The following SORL1 variants were observed in gnomAD, a reference collection of about 807,000 sequenced individuals.
The protein encoded by SORL1 is sortilin-related receptor.
A neutral mutation model predicts 273.7 loss-of-function variants in SORL1; 127 were observed. The observed-to-expected ratio is 0.46, with a 90% CI of 0.40 to 0.54. SORL1 has a LOEUF of 0.54. Among genes scored for constraint, SORL1 ranks in the 20% least tolerant of loss-of-function variants. The probability of loss-of-function intolerance (pLI) is 0.00; values close to 1 mark genes in which losing one functional copy is unlikely to be tolerated. For missense variants in SORL1, 2,494 were observed against 2,846.1 expected (o/e 0.88, Z 2.81); for synonymous variants, 1,031 against 1,067.4 (o/e 0.97, Z 0.66).
chr11:121,495,287 T>C lies in SORL1; in HGVS notation c.759-1582T>C, dbSNP rs546704994. ...TTTTTGTAGAGGTGGAGTCTCACTA[T>C]GTTGCCCAGGCTGGTCTTGAACTCT... On this transcript the variant is annotated intron_variant, in intron 5 of 47. Transcript: ENST00000260197. 1.7e-3 allele frequency among the ~76,000 whole-genome samples: 254 copies of C among 152,286 alleles called. 5 individuals are homozygous for C. The highest frequency in any genetic ancestry group is 3.2e-4 in the Non-Finnish European group (22 of 68,016).
intron 6 of SORL1, among the ~76,000 whole-genome samples, chr11:121,503,169 C>T (rs1042586288): frequency 2.0e-5 from 3 of 152,074 alleles, no homozygotes; most frequent in East Asian, 1.9e-4. Flanking sequence ...CATGCCCAGC[C>T]GTGTTTTTAA....
chr11:121,529,665 T>C (rs569602437), intron 11 of SORL1, among the ~76,000 whole-genome samples: 166 of 152,266 alleles, frequency 1.1e-3, no homozygotes, highest in Admixed American at 2.2e-3. Context: ...TCCTGCCAAA[T>C]AGTTGGACTT....
At position 121,513,595 on chromosome 11, in the gene SORL1, G is replaced by C. The variant is rs747245923; in HGVS notation, c.1041+491G>C. ...TATAACATGAAGATGGATAGGAAAAGTCTGCATGGGATGGGTCATTAGAGG... is the reference window on the plus strand; with the variant it reads ...TATAACATGAAGATGGATAGGAAAACTCTGCATGGGATGGGTCATTAGAGG... On this transcript the variant is annotated intron_variant, in intron 7 of 47. Coordinates refer to ENST00000260197, the MANE Select transcript of SORL1 (RefSeq NM_003105.6). 2.0e-5 allele frequency among the ~76,000 whole-genome samples: 3 copies of C among 152,178 alleles called. No homozygotes were observed. In the South Asian group the frequency reaches 6.2e-4, roughly 32 times the overall value.
intron 40 of SORL1, among the ~76,000 whole-genome samples, chr11:121,613,736 C>A (rs914576297): frequency 2.0e-5 from 3 of 152,224 alleles, no homozygotes; most frequent in African/African-American, 7.2e-5. Flanking sequence ...AAGTCATACG[C>A]TCAGACGGTG....
In SORL1 at chr11:121,595,907, C is replaced by A; in HGVS notation, c.4519+135C>A. The stretch of plus-strand genomic sequence containing the variant: ...TACTTGCGTAACCATGCTCTTACTG[C>A]ATTCTCCACAAGCGCTTTGCCACGT... On this transcript the variant is annotated intron_variant, in intron 32 of 47. Transcript: ENST00000260197. The surrounding 1 kb of genome is among the most constrained non-coding windows in gnomAD (Gnocchi z 5.1). 1 of 928,722 alleles carries A rather than the reference C, an allele frequency of 1.1e-6. No individual in the cohort carries two copies. The highest frequency in any genetic ancestry group is 1.6e-6 in the Non-Finnish European group (1 of 642,194). 57.5% of individuals were successfully genotyped at this position (928,722 alleles called of 1,614,324 possible).
At position 121,630,300 on chromosome 11, in the gene SORL1, T is replaced by C. The variant is rs2134961368; in HGVS notation, c.*737T>C. 6.6e-6 allele frequency: 1 copy of C among 152,320 alleles called. No individual in the cohort carries two copies. The highest frequency in any genetic ancestry group is 6.5e-5 in the Admixed American group (1 of 15,302). 9.4% of individuals were successfully genotyped at this position (152,320 alleles called of 1,614,324 possible). On this transcript the variant is annotated 3_prime_UTR_variant, in exon 48 of 48. Transcript: ENST00000260197. Reference sequence around the variant, plus strand: ...TGTAAGCCCACAGCTTCCTCTCTTATATTAATTGATGGAATTTTACTGTAT... The same window carrying C: ...TGTAAGCCCACAGCTTCCTCTCTTACATTAATTGATGGAATTTTACTGTAT...
chr11:121,475,991 C>G (rs937154496), intron 2 of SORL1, among the ~76,000 whole-genome samples: 1 of 152,222 alleles, frequency 6.6e-6, no homozygotes, highest in South Asian at 2.1e-4. Context: ...GTGAGACTAA[C>G]TCCGGTTTTT....
At chr11:121,552,770 T>C (rs1862523946) in intron 16 of SORL1, among the ~76,000 whole-genome samples, 1 of 152,222 alleles carries the variant, frequency 6.6e-6, no homozygotes, top group African/African-American at 2.4e-5. Context: ...GAGTGGTACA[T>C]GTTAAGTCAC....
chr11:121,474,714 G>C (rs921786327), intron 2 of SORL1, among the ~76,000 whole-genome samples: 1 of 152,218 alleles, frequency 6.6e-6, no homozygotes, highest in Non-Finnish European at 1.5e-5. Flanking sequence ...GTGAGTCCGG[G>C]GTGTTCTCTC....
At chr11:121,538,836 G>A (rs1039227438) in intron 12 of SORL1, among the ~76,000 whole-genome samples, 10 of 151,930 alleles carry the variant, frequency 6.6e-5, no homozygotes, top group South Asian at 2.1e-4. Flanking sequence ...GCACCACCAC[G>A]CCCAGCTAAT....
At chr11:121,465,931 G>A (rs1861075551) in intron 1 of SORL1, among the ~76,000 whole-genome samples, 1 of 152,146 alleles carries the variant, frequency 6.6e-6, no homozygotes, top group African/African-American at 2.4e-5. Context: ...CTTCAGTGGG[G>A]CATGGGACCC....
At chr11:121,469,040 C>T (rs987924835) in intron 1 of SORL1, among the ~76,000 whole-genome samples, 4 of 152,180 alleles carry the variant, frequency 2.6e-5, no homozygotes, top group Non-Finnish European at 4.4e-5. Context: ...GTTGAGGCTC[C>T]GGGTTATGAG....
At chr11:121,564,834 A>G (rs745418052) in intron 21 of SORL1, among the ~76,000 whole-genome samples, 1 of 152,134 alleles carries the variant, frequency 6.6e-6, no homozygotes, top group Non-Finnish European at 1.5e-5. Context: ...CGGCCTCCCA[A>G]ACTGCTGGGA....
intron 31 of SORL1, among the ~76,000 whole-genome samples, chr11:121,592,667 C>A (rs914729244): frequency 6.6e-5 from 10 of 152,224 alleles, no homozygotes; most frequent in African/African-American, 2.2e-4. Context: ...ATCATGCTGT[C>A]TACTACTTTG....
chr11:121,605,093 T>A lies in SORL1; in HGVS notation c.4652-20T>A. 6.3e-7 allele frequency: 1 copy of A among 1,594,380 alleles called. No individual in the cohort carries two copies. Among genetic ancestry groups the A allele is most frequent in the Non-Finnish European group, 8.5e-7 (1 of 1,169,700 alleles). On this transcript the variant is annotated intron_variant, in intron 33 of 47. Coordinates refer to ENST00000260197, the MANE Select transcript of SORL1 (RefSeq NM_003105.6). ...GCCAAGATGTAACTTTGTTTGTCTT[T>A]TTCTCCTTTATCTCTCTAGATGAGT... is the stretch of plus-strand genomic sequence containing the variant.
chr11:121,568,431 A>G (rs1862783831), intron 22 of SORL1, among the ~76,000 whole-genome samples: 1 of 152,254 alleles, frequency 6.6e-6, no homozygotes. Flanking sequence ...CATATTTCCC[A>G]TTAGAATGCC....
At position 121,551,893 on chromosome 11, in the gene SORL1, C is replaced by T. The variant is rs147605281; in HGVS notation, c.2266+1223C>T. ...TGAGCAGATAATATTCAAATATTTCCCTCACAAGAGCTGTTATTGATGAGG... is the reference window on the plus strand; with the variant it reads ...TGAGCAGATAATATTCAAATATTTCTCTCACAAGAGCTGTTATTGATGAGG... On this transcript the variant is annotated intron_variant, in intron 16 of 47. Coordinates refer to ENST00000260197, the MANE Select transcript of SORL1 (RefSeq NM_003105.6). Among the ~76,000 whole-genome samples the T allele has an allele frequency of 4.2e-3, 647 of 152,300 alleles. 5 individuals are homozygous for T. The highest frequency in any genetic ancestry group is 0.015 in the African/African-American group (617 of 41,558).
intron 4 of SORL1, among the ~76,000 whole-genome samples, chr11:121,489,131 C>T (rs938092206): frequency 1.3e-5 from 2 of 152,164 alleles, no homozygotes; most frequent in East Asian, 1.9e-4. Context: ...TCAGTTGGTT[C>T]TCTGTGGGGC....
chr11:121,586,724 G>A (rs1863121309), intron 27 of SORL1, among the ~76,000 whole-genome samples: 1 of 144,374 alleles, frequency 6.9e-6, no homozygotes, highest in East Asian at 2.1e-4. Context: ...GGCATTTTTA[G>A]GCCAGATGAC....
Sources: gnomAD v4.1 joint callset for allele counts (sites outside exome capture counted in the v4.1 genomes callset) on GRCh38, gnomAD v4.1.1 for gene constraint, Gnocchi (gnomAD v3.1) non-coding constraint, MANE v1.5 for transcripts, NCBI Gene and HGNC (gene_info 2026-07-23, HGNC 2026-07-21) for gene names.